The following DNAAF9 variants were observed in gnomAD, a reference collection of about 807,000 sequenced individuals.
DNAAF9 encodes dynein axonemal assembly factor 9.
In DNAAF9, 90 loss-of-function variants were observed where a neutral mutation model predicts 167.0. The observed-to-expected ratio is 0.54, with a 90% confidence interval of 0.45 to 0.64. The LOEUF is 0.64. Among genes scored for constraint, DNAAF9 ranks in the 30% least tolerant of loss-of-function variants. The probability of loss-of-function intolerance (pLI) is 0.00; values close to 1 mark genes in which losing one functional copy is unlikely to be tolerated. For synonymous variants in DNAAF9, 491 were observed against 508.8 expected (o/e 0.96, Z 0.47); for missense variants, 1,315 against 1,442.2 (o/e 0.91, Z 1.43).
rs1260114119 is a variant in DNAAF9 at position 3,252,062 on chromosome 20, G to T, written c.*510C>A. 1 of 156,222 alleles carries T rather than the reference G, an allele frequency of 6.4e-6. No homozygotes were observed. The highest frequency in any genetic ancestry group is 2.4e-5 in the African/African-American group (1 of 41,506). The allele number at this position is 156,222 out of a possible 1,614,324, so 9.7% of individuals were successfully genotyped here. On this transcript the variant is annotated 3_prime_UTR_variant, in exon 37 of 37. Coordinates refer to ENST00000252032, the MANE Select transcript of DNAAF9 (RefSeq NM_001009984.3). ...CCTCCCAGGACTGGGCCCACGGCCA[G>T]TACGGCCAGCTCCTTCAGGGAAACG... is the stretch of plus-strand genomic sequence containing the variant.
chr20:3,293,391 A>G (rs1362212349), intron 25 of DNAAF9, among the ~76,000 whole-genome samples: 1 of 151,306 alleles, frequency 6.6e-6, no homozygotes, highest in African/African-American at 2.4e-5. Context: ...GCAGATTAAA[A>G]TCCACTCTGG....
chr20:3,390,953 G>A (rs999600166), intron 1 of DNAAF9, among the ~76,000 whole-genome samples: 2 of 152,076 alleles, frequency 1.3e-5, no homozygotes, highest in Non-Finnish European at 2.9e-5. Flanking sequence ...GTTACCCAGA[G>A]CTCTTTGGTT....
rs2068167815 is a variant in DNAAF9, at chr20:3,249,417, G to A, written c.*3155C>T. The A allele has an allele frequency of 6.6e-6, 1 of 152,158 alleles. No homozygotes were observed. Among genetic ancestry groups the A allele is most frequent in the South Asian group, 2.1e-4 (1 of 4,822 alleles). The allele number at this position is 152,158 out of a possible 1,614,324, so 9.4% of individuals were successfully genotyped here. ...AAAATAATATAAAAATAAATTGAAG[G>A]CTACTTTTATATATTTACTGAATTA... On this transcript the variant is annotated 3_prime_UTR_variant, in exon 37 of 37. Transcript: ENST00000252032.
In DNAAF9 at chr20:3,281,685, G is replaced by A; in HGVS notation, c.2568C>T (p.Ala856=). 6.2e-7 allele frequency: 1 copy of A among 1,612,876 alleles called. No individual in the cohort carries two copies. Among genetic ancestry groups the A allele is most frequent in the Non-Finnish European group, 8.5e-7 (1 of 1,179,406 alleles). The change falls in exon 28 of 37, where the codon GCC becomes GCT. Residue 856 remains alanine (A), a synonymous_variant. Transcript: ENST00000252032. ...SNVKASFTIG[A]ITACVEPMSC... The stretch of plus-strand genomic sequence containing the variant: ...TCATGGGCTCCACACATGCTGTGAT[G>A]GCACCAATGGTGAAGGAGGCCTTGA...
intron 1 of DNAAF9, among the ~76,000 whole-genome samples, chr20:3,405,884 A>AT (rs1391819372): frequency 6.6e-6 from 1 of 152,224 alleles, no homozygotes; most frequent in Non-Finnish European, 1.5e-5. Context: ...ATCCTATGCA[A>AT]TGTCTATACA....
At position 3,337,422 on chromosome 20, in the gene DNAAF9, C is replaced by A. The variant is rs1236106645; in HGVS notation, c.981+3082G>T. On this transcript the variant is annotated intron_variant, in intron 10 of 36. Coordinates refer to ENST00000252032, the MANE Select transcript of DNAAF9 (RefSeq NM_001009984.3). ...GGGACTACAGGCATGTGCCACCACG[C>A]CCAGGTTCTTTTTTTTTGTTTTTTT... Among the ~76,000 whole-genome samples, 9 of 147,898 alleles carry A rather than the reference C, an allele frequency of 6.1e-5. No homozygotes were observed. In the Admixed American group the frequency reaches 6.2e-4, roughly 10 times the overall value.
chr20:3,258,747 C>T (rs2068325991), intron 33 of DNAAF9, among the ~76,000 whole-genome samples: 1 of 152,104 alleles, frequency 6.6e-6, no homozygotes, highest in Non-Finnish European at 1.5e-5. Flanking sequence ...TTGAGCGCCT[C>T]ACTTGTTATA....
chr20:3,371,333 CTTTTTTTTTTTTTTTTTT>C (rs532202424), intron 6 of DNAAF9, among the ~76,000 whole-genome samples: 1 of 84,076 alleles, frequency 1.2e-5, no homozygotes, highest in South Asian at 5.2e-4. Context: ...TGAAGAAAAT[CTTTTTTTTTTTTTTTTTT>C]TTTTTTTTTG....
chr20:3,252,324 C>A lies in DNAAF9; in HGVS notation c.*248G>T. On this transcript the variant is annotated 3_prime_UTR_variant, in exon 37 of 37. Coordinates refer to ENST00000252032, the MANE Select transcript of DNAAF9 (RefSeq NM_001009984.3). ...GAGCTCCTGGACTGCCAGTTGCACA[C>A]GTAGACGGGCAGGCCCCATCTGCTC... The A allele has an allele frequency of 2.7e-6, 1 of 374,314 alleles. No individual in the cohort carries two copies. The highest frequency in any genetic ancestry group is 3.5e-5 in the South Asian group (1 of 28,876). 23.2% of individuals were successfully genotyped at this position (374,314 alleles called of 1,614,324 possible). A position where few individuals can be genotyped will look rare whatever the true frequency, so the allele number is the denominator to read the frequency against.
intron 1 of DNAAF9, among the ~76,000 whole-genome samples, chr20:3,404,848 C>T (rs986058271): frequency 2.6e-5 from 4 of 152,188 alleles, no homozygotes. Flanking sequence ...TAGCATTGAT[C>T]CAGATAGGTT....
intron 25 of DNAAF9, among the ~76,000 whole-genome samples, chr20:3,293,318 A>AAG (rs2068999333): frequency 6.7e-6 from 1 of 149,766 alleles, no homozygotes; most frequent in Non-Finnish European, 1.5e-5. Flanking sequence ...AAAAAAAAAA[A>AAG]AGAGACTTAT....
intron 3 of DNAAF9, among the ~76,000 whole-genome samples, chr20:3,380,359 G>A (rs1344709178): frequency 2.0e-5 from 3 of 152,122 alleles, no homozygotes; most frequent in African/African-American, 4.8e-5. Flanking sequence ...CAGTCTATAA[G>A]AATAAACACT....
At chr20:3,369,067 C>T (rs2083474328) in intron 6 of DNAAF9, among the ~76,000 whole-genome samples, 4 of 150,804 alleles carry the variant, frequency 2.7e-5, no homozygotes, top group Admixed American at 6.6e-5. Flanking sequence ...AGGCAGAGGT[C>T]GCAGTGAGCC....
intron 1 of DNAAF9, among the ~76,000 whole-genome samples, chr20:3,383,002 AG>A (rs1452998369): frequency 1.3e-5 from 2 of 152,196 alleles, no homozygotes; most frequent in Non-Finnish European, 2.9e-5. Flanking sequence ...CTATCCATAT[AG>A]GGAGTGTCAG....
intron 6 of DNAAF9, among the ~76,000 whole-genome samples, chr20:3,368,950 G>A (rs1041372259): frequency 4.2e-5 from 3 of 72,132 alleles, no homozygotes; most frequent in African/African-American, 1.7e-4. Flanking sequence ...TGGCCAACAA[G>A]GTGAACCCCA....
chr20:3,271,353 A>AT (rs1277366797), intron 29 of DNAAF9, among the ~76,000 whole-genome samples: 2 of 152,140 alleles, frequency 1.3e-5, no homozygotes, highest in African/African-American at 4.8e-5. Flanking sequence ...ATGCTAACAG[A>AT]TTTTAGTCAC....
chr20:3,343,377 C>T (rs2070124956), intron 9 of DNAAF9, among the ~76,000 whole-genome samples: 1 of 152,084 alleles, frequency 6.6e-6, no homozygotes, highest in African/African-American at 2.4e-5. Context: ...GAACTCCTGA[C>T]CTCAGGTGAT....
chr20:3,260,582 G>C, intron 31 of DNAAF9, among the ~76,000 whole-genome samples: 1 of 144,848 alleles, frequency 6.9e-6, no homozygotes, highest in East Asian at 2.0e-4. Flanking sequence ...TGAGTTTGGG[G>C]GTCCTTCCTG....
chr20:3,279,637 G>C (rs756559887), intron 28 of DNAAF9, among the ~76,000 whole-genome samples: 1 of 152,220 alleles, frequency 6.6e-6, no homozygotes, highest in Admixed American at 6.5e-5. Context: ...AGTTCCTCCT[G>C]TGGGCAAGGC....
Sources: allele counts gnomAD v4.1 joint callset (sites outside exome capture counted in the v4.1 genomes callset), GRCh38; gene constraint gnomAD v4.1.1; transcripts MANE v1.5; gene names NCBI Gene and HGNC (gene_info 2026-07-23, HGNC 2026-07-21).